The following ACP7 variants were observed in gnomAD, a reference collection of about 807,000 sequenced individuals.
ACP7 encodes acid phosphatase 7, tartrate resistant (putative), also known as acid phosphatase type 7.
In ACP7, 58 loss-of-function variants were observed where a neutral mutation model predicts 60.6. That is an observed-to-expected ratio of 0.96 (90% CI 0.77 to 1.19). ACP7 has a LOEUF of 1.19. Among genes scored for constraint, ACP7 ranks in the 50% most tolerant of loss-of-function variants. The pLI is 0.00. For missense variants in ACP7, 574 were observed against 596.2 expected, an observed-to-expected ratio of 0.96 and a Z score of 0.39; for synonymous variants, 237 against 232.6, an observed-to-expected ratio of 1.02 and a Z score of -0.17.
intron 2 of ACP7, among the ~76,000 whole-genome samples, chr19:39,095,657 G>C (rs2144991067): frequency 6.6e-6 from 1 of 152,340 alleles, no homozygotes; most frequent in Middle Eastern, 3.4e-3. Context: ...GCTCCACTAG[G>C]TGGTAACCCA....
chr19:39,105,472 G>A (rs2073401519), intron 11 of ACP7, among the ~76,000 whole-genome samples: 1 of 152,160 alleles, frequency 6.6e-6, no homozygotes, highest in Admixed American at 6.6e-5. Context: ...TCTTTGCTAA[G>A]AATACACAAA....
rs1273176900 is a variant in ACP7, at chr19:39,100,588, C to A, written c.638C>A (p.Ser213Tyr). The A allele has an allele frequency of 4.3e-6, 7 of 1,613,880 alleles. No individual in the cohort carries two copies. The highest frequency in any genetic ancestry group is 5.9e-6 in the Non-Finnish European group (7 of 1,179,928). Reference protein sequence around the residue: ...PGNHEERYNFSNYKARFSMPG... With the variant: ...PGNHEERYNFYNYKARFSMPG... Reference sequence around the variant, plus strand: ...TACTTCCTTTATTCCAGCAACTTCTCTAACTACAAGGCTCGCTTCAGCATG... The same window carrying A: ...TACTTCCTTTATTCCAGCAACTTCTATAACTACAAGGCTCGCTTCAGCATG... Residue 213 changes from serine to tyrosine, a missense_variant, in exon 6 of 13, where the codon TCT becomes TAT. Physicochemically the swap from Ser to Tyr is moderately radical, Grantham distance 144. Transcript: ENST00000331256.
At chr19:39,094,580 T>C (rs1295313654) in intron 2 of ACP7, among the ~76,000 whole-genome samples, 1 of 151,646 alleles carries the variant, frequency 6.6e-6, no homozygotes, top group Non-Finnish European at 1.5e-5. Flanking sequence ...CCCAGCACTT[T>C]GGGAGACCGA....
intron 2 of ACP7, among the ~76,000 whole-genome samples, chr19:39,097,568 G>GA (rs138172749): frequency 5.9e-3 from 779 of 132,156 alleles, no homozygotes; most frequent in Middle Eastern, 0.012. Context: ...CTATCTCTAA[G>GA]AAAAAAAAAA....
intron 2 of ACP7, among the ~76,000 whole-genome samples, chr19:39,090,309 C>G (rs1361406552): frequency 6.6e-6 from 1 of 151,974 alleles, no homozygotes; most frequent in African/African-American, 2.4e-5. Flanking sequence ...GCGGGGATTA[C>G]AGGCGCACGC....
chr19:39,110,110 T>G lies in ACP7; in HGVS notation c.1309T>G (p.Tyr437Asp), dbSNP rs1246566554. The G allele has an allele frequency of 6.2e-7, 1 of 1,613,346 alleles. No individual in the cohort carries two copies. The highest frequency in any genetic ancestry group is 8.5e-7 in the Non-Finnish European group (1 of 1,179,378). The part of the protein sequence containing the change: ...VVRPLFGRRM[Y>D]L ...GAGACCCCTGTTTGGCCGGAGGATG[T>G]ACCTCTAGGGATGGCGGCAGCTCTC... is the stretch of plus-strand genomic sequence containing the variant. The change falls in exon 13 of 13, where the codon TAC becomes GAC. Residue 437 changes from tyrosine to aspartate, a missense_variant. By Grantham distance (160) the Tyr-to-Asp change is radical. Transcript: ENST00000331256.
At chr19:39,087,564 G>A (rs1021545211) in intron 2 of ACP7, among the ~76,000 whole-genome samples, 44 of 151,490 alleles carry the variant, frequency 2.9e-4, no homozygotes, top group African/African-American at 1.0e-3. Flanking sequence ...AGACTCAAGC[G>A]ATCCTCCCAC....
chr19:39,087,643 T>G (rs140656818), intron 2 of ACP7, among the ~76,000 whole-genome samples: 50,436 of 150,428 alleles, frequency 0.34, 9,315 homozygotes, highest in East Asian at 0.58. Flanking sequence ...TTTTTTTTTT[T>G]TTTTTTTTGA....
chr19:39,110,717 C>T lies in ACP7; in HGVS notation c.*599C>T, dbSNP rs1286353559. The T allele has an allele frequency of 6.6e-6, 1 of 152,362 alleles. No homozygotes were observed. The highest frequency in any genetic ancestry group is 2.4e-5 in the African/African-American group (1 of 41,456). The allele number at this position is 152,362 out of a possible 1,614,324, so 9.4% of individuals were successfully genotyped here. A position where few individuals can be genotyped will look rare whatever the true frequency, so the allele number is the denominator to read the frequency against. On this transcript the variant is annotated 3_prime_UTR_variant, in exon 13 of 13. Transcript: ENST00000331256. ...TTCGGGAAGAGGAGACGTGTTAACA[C>T]TCTTGCCTCCTAGCTAGGACAGATG...
chr19:39,084,150 C>T (rs964029964), upstream of ACP7, among the ~76,000 whole-genome samples: 1 of 152,160 alleles, frequency 6.6e-6, no homozygotes, highest in Non-Finnish European at 1.5e-5. Flanking sequence ...TCATAACCTT[C>T]CTGGGTCCCC....
At chr19:39,100,188 G>C (rs776779596) in intron 4 of ACP7, 39 bp from the exon 5 acceptor site, 3 of 1,608,024 alleles carry the variant, frequency 1.9e-6, no homozygotes, top group Non-Finnish European at 2.5e-6. Flanking sequence ...AAGCAGAGCT[G>C]GGCCTGGGTC....
At chr19:39,098,345 G>A in intron 2 of ACP7, 113 bp from the exon 3 acceptor site, 1 of 626,588 alleles carries the variant, frequency 1.6e-6, no homozygotes, top group Non-Finnish European at 2.4e-6. Flanking sequence ...CAGAACCTGT[G>A]TCCTTAACCA....
In ACP7 at chr19:39,099,141, G is replaced by A. The variant is rs758373404; in HGVS notation, c.504G>A (p.Val168=). ...QQGMYDAVLH[V]GDFAYNLDQD... is the part of the protein sequence containing the mutation. The stretch of plus-strand genomic sequence containing the variant: ...GCATGTATGACGCCGTTCTCCATGT[G>A]GGTGAGGCATCCGCAGGGGCGCGCG... Residue 168 remains valine (V), a splice_region_variant and synonymous_variant, in exon 4 of 13, where the codon GTG becomes GTA. Coordinates refer to ENST00000331256, the MANE Select transcript of ACP7 (RefSeq NM_001004318.3). 1.3e-6 allele frequency: 2 copies of A among 1,521,494 alleles called. No individual in the cohort carries two copies. The highest frequency in any genetic ancestry group is 8.8e-7 in the Non-Finnish European group (1 of 1,140,146). The allele number at this position is 1,521,494 out of a possible 1,614,324, so 94.2% of individuals were successfully genotyped here.
At chr19:39,100,132 A>T in intron 4 of ACP7, 95 bp from the exon 5 acceptor site, 1 of 1,525,210 alleles carries the variant, frequency 6.6e-7, no homozygotes. Context: ...AAGCGCTGGG[A>T]TTAACAGGTG....
intron 3 of ACP7, 131 bp from the exon 4 acceptor site, chr19:39,098,829 G>T: frequency 1.4e-6 from 2 of 1,398,720 alleles, no homozygotes; most frequent in South Asian, 2.8e-5. Flanking sequence ...GGGGAAGGCA[G>T]ACCGAAGGGG....
At chr19:39,086,641 A>AAG (rs1555766196) in intron 2 of ACP7, among the ~76,000 whole-genome samples, 15 of 75,164 alleles carry the variant, frequency 2.0e-4, no homozygotes, top group African/African-American at 3.3e-4. Context: ...AAAAAAAAAA[A>AAG]GGGGGGGGGG....
intron 2 of ACP7, among the ~76,000 whole-genome samples, 197 bp from the exon 3 acceptor site, chr19:39,098,253 CAAAAAAAA>C (rs59373149): frequency 7.4e-4 from 48 of 64,980 alleles, no homozygotes; most frequent in South Asian, 1.4e-3. Flanking sequence ...GACCCTGACT[CAAAAAAAA>C]AAAAAAAAAA....
At chr19:39,088,245 A>G (rs1767700092) in intron 2 of ACP7, among the ~76,000 whole-genome samples, 1 of 151,468 alleles carries the variant, frequency 6.6e-6, no homozygotes, top group Non-Finnish European at 1.5e-5. Flanking sequence ...CTGGTCTCAA[A>G]CTCCTGGGCT....
intron 3 of ACP7, 37 bp from the exon 4 acceptor site, chr19:39,098,923 G>C: frequency 1.3e-6 from 2 of 1,590,826 alleles, no homozygotes; most frequent in South Asian, 1.1e-5. Flanking sequence ...GTCCCGGGGC[G>C]CCCCAGCTGA....
Sources: gnomAD v4.1 joint callset for allele counts (sites outside exome capture counted in the v4.1 genomes callset) on GRCh38, gnomAD v4.1.1 for gene constraint, MANE v1.5 for transcripts, NCBI Gene and HGNC (gene_info 2026-07-23, HGNC 2026-07-21) for gene names.